ITGB7: variants seen among roughly 807,000 people sequenced by gnomAD.
ITGB7 encodes integrin beta-7.
ITGB7 carries 55 observed loss-of-function variants against 83.4 expected under a neutral mutation model. That is an observed-to-expected ratio of 0.66 (90% confidence interval 0.53 to 0.83). The LOEUF (loss-of-function observed/expected upper bound fraction) is 0.83. Among genes scored for constraint, ITGB7 ranks in the 40% least tolerant of loss-of-function variants. The pLI is 0.00. For synonymous variants in ITGB7, 454 were observed against 423.6 expected, an observed-to-expected ratio of 1.07 and a Z score of -0.88; for missense variants, 921 against 1,046.7, an observed-to-expected ratio of 0.88 and a Z score of 1.66.
At position 53,191,634 on chromosome 12, in the gene ITGB7, G is replaced by GCCA; in HGVS notation, c.2318_2319insTGG (p.Asp773_Ser774insGly). ...TGGCACTTTTGTAGAGAGGATTACT[G>GCCA]TCCTGGAGAAAGATGTTGCAGATTA... On this transcript the variant is annotated inframe_insertion and splice_region_variant, in exon 16 of 16. Transcript: ENST00000267082. The GCCA allele has an allele frequency of 6.2e-7, 1 of 1,612,774 alleles. No individual in the cohort carries two copies. The highest frequency in any genetic ancestry group is 1.1e-5 in the South Asian group (1 of 91,056).
At chr12:53,194,459 G>T in intron 9 of ITGB7, 115 bp from the exon 10 acceptor site, 1 of 1,036,814 alleles carries the variant, frequency 9.6e-7, no homozygotes, top group Non-Finnish European at 1.4e-6. Flanking sequence ...CTGCCACCTG[G>T]GGCTCCTTCC....
intron 10 of ITGB7, 24 bp downstream of exon 10, chr12:53,194,174 C>T: frequency 1.2e-6 from 2 of 1,613,818 alleles, no homozygotes; most frequent in Non-Finnish European, 1.7e-6. Flanking sequence ...TGCCCGCCTT[C>T]TGCCTGTGCT....
chr12:53,192,229 T>G (rs1227581215), intron 14 of ITGB7, 101 bp downstream of exon 14: 2 of 1,344,432 alleles, frequency 1.5e-6, no homozygotes, highest in African/African-American at 2.9e-5. Context: ...ACAGTTCTGC[T>G]TCAGCCCCCA....
Position 53,193,838 on chromosome 12 carries a change from G to A in ITGB7, c.1372C>T (p.Arg458Trp), listed in dbSNP as rs368927212. ...AGCTCCTCTGAGAAGCCAAGGGCCC[G>A]GAGCCTCAGGAGATGGGGCTCTGGG... ...CLPEPHLLRL[R>W]ALGFSEELIV... Residue 458 changes from arginine to tryptophan, a missense_variant, in exon 11 of 16, where the codon CGG becomes TGG. Physicochemically the swap from Arg to Trp is moderately radical, Grantham distance 101 (BLOSUM62 -3). Coordinates refer to ENST00000267082, the MANE Select transcript of ITGB7 (RefSeq NM_000889.3). The A allele has an allele frequency of 4.8e-5, 77 of 1,614,060 alleles. 3 individuals carry two copies. The South Asian group carries it at 5.6e-4, about 12-fold the overall frequency.
At position 53,193,952 on chromosome 12, in the gene ITGB7, AC is replaced by A. The variant is rs145601608; in HGVS notation, c.1309-52del. The A allele has an allele frequency of 5.2e-3, 7,876 of 1,515,098 alleles. 338 individuals are homozygous for A. The African/African-American group carries it at 0.094, about 18-fold the overall frequency. The allele number at this position is 1,515,098 out of a possible 1,614,324, so 93.9% of individuals were successfully genotyped here. A position where few individuals can be genotyped will look rare whatever the true frequency, so the allele number is the denominator to read the frequency against. The stretch of plus-strand genomic sequence containing the variant: ...TGGTTATACACATGCACACACACAT[AC>A]CCCAAACTCACCAATCATCCAGAAC... On this transcript the variant is annotated intron_variant, in intron 10 of 15. Transcript: ENST00000267082.
rs1349730928 is a variant in ITGB7, at chr12:53,196,641, A to G, written c.754T>C (p.Ser252Pro). 6.2e-7 allele frequency: 1 copy of G among 1,612,716 alleles called. No individual in the cohort carries two copies. The highest frequency in any genetic ancestry group is 8.5e-7 in the Non-Finnish European group (1 of 1,179,400). Reference sequence around the variant, plus strand: ...CCTTCAGGCGAGTCCAGATTGCCGGACACACTCTGGCGCCCCACCTCCCGC... The same window carrying G: ...CCTTCAGGCGAGTCCAGATTGCCGGGCACACTCTGGCGCCCCACCTCCCGC... ...FEREVGRQSV[S>P]GNLDSPEGGF... The change falls in exon 6 of 16, where the codon TCC becomes CCC. Residue 252 changes from serine (S) to proline (P), a missense_variant. Physicochemically the swap from Ser to Pro is moderately conservative, Grantham distance 74. Coordinates refer to ENST00000267082, the MANE Select transcript of ITGB7 (RefSeq NM_000889.3).
In ITGB7 at chr12:53,195,709, C is replaced by A. The variant is rs1942136702; in HGVS notation, c.988G>T (p.Val330Leu). ...GAGAGGGCCTGGGCTACCTGACCCACAGAAGGGTAGTCCTGGGACAGGGAG... is the reference window on the plus strand; with the variant it reads ...GAGAGGGCCTGGGCTACCTGACCCAAAGAAGGGTAGTCCTGGGACAGGGAG... Reference protein sequence around the residue: ...SRSTEFDYPSVGQVAQALSAA... With the variant: ...SRSTEFDYPSLGQVAQALSAA... The change falls in exon 8 of 16, where the codon GTG (valine) becomes TTG (leucine). Residue 330 changes from valine (V) to leucine (L), a missense_variant. Coordinates refer to ENST00000267082, the MANE Select transcript of ITGB7 (RefSeq NM_000889.3). 5.0e-6 allele frequency: 8 copies of A among 1,613,618 alleles called. No individual in the cohort carries two copies. The highest frequency in any genetic ancestry group is 1.3e-5 in the African/African-American group (1 of 74,996).
At chr12:53,192,233 GC>G in intron 14 of ITGB7, 96 bp downstream of exon 14, 1 of 1,357,740 alleles carries the variant, frequency 7.4e-7, no homozygotes, top group Non-Finnish European at 1.0e-6. Context: ...TTCTGCTTCA[GC>G]CCCCAGCCTG....
At chr12:53,203,647 C>CAAAAAAAAAAAAAA (rs1158624130) in intron 1 of ITGB7, among the ~76,000 whole-genome samples, 8 of 51,004 alleles carry the variant, frequency 1.6e-4, no homozygotes, top group African/African-American at 2.7e-4. Flanking sequence ...GACCCTGTCT[C>CAAAAAAAAAAAAAA]AAAAAAAAAA....
At chr12:53,204,827 C>A (rs200196935) in intron 1 of ITGB7, among the ~76,000 whole-genome samples, 9 of 142,516 alleles carry the variant, frequency 6.3e-5, no homozygotes, top group African/African-American at 1.8e-4. Context: ...TTTCTTTTTT[C>A]TTTACCTTTT....
chr12:53,194,137 G>T, intron 10 of ITGB7, 61 bp downstream of exon 10: 1 of 1,606,086 alleles, frequency 6.2e-7, no homozygotes, highest in Non-Finnish European at 8.5e-7. Flanking sequence ...TTTCCTGCCT[G>T]CTTAATTTCC....
At chr12:53,196,399 G>A (rs545499694) in intron 6 of ITGB7, 180 bp downstream of exon 6, 41 of 1,052,394 alleles carry the variant, frequency 3.9e-5, no homozygotes, top group Admixed American at 1.4e-4. Context: ...TTGTGAATTC[G>A]AAAAACATGC....
At chr12:53,196,226 A>G (rs200760661) in intron 6 of ITGB7, 27 bp from the exon 7 acceptor site, 11 of 1,610,794 alleles carry the variant, frequency 6.8e-6, no homozygotes, top group East Asian at 4.5e-5. Context: ...GTGGTAGGCT[A>G]TGCACCTGGG....
rs776743901 is a variant in ITGB7, at chr12:53,197,478, CA to C, written c.574+14del. ...AGGCAAGGGCTAACAGGGCGGGAGG[CA>C]GCGCTCGGCTCACCAATGCGCACAG... On this transcript the variant is annotated intron_variant, in intron 5 of 15. Coordinates refer to ENST00000267082, the MANE Select transcript of ITGB7 (RefSeq NM_000889.3). 2.2e-5 allele frequency: 36 copies of C among 1,613,860 alleles called. No individual in the cohort carries two copies. In the East Asian group the frequency reaches 7.8e-4, roughly 35 times the overall value.
chr12:53,196,589 G>A lies in ITGB7; in HGVS notation c.806C>T (p.Ala269Val). Reference protein sequence around the residue: ...EGGFDAILQAALCQEQIGWRN... With the variant: ...EGGFDAILQAVLCQEQIGWRN... ...GCCCCACCTCCTCACCTGGCAGAGT[G>A]CAGCCTGCAGAATGGCATCGAAGCC... Residue 269 changes from alanine (A) to valine (V), a missense_variant, in exon 6 of 16, where the codon GCA becomes GTA. Physicochemically the swap from Ala to Val is moderately conservative, Grantham distance 64. Coordinates refer to ENST00000267082, the MANE Select transcript of ITGB7 (RefSeq NM_000889.3). 3.7e-6 allele frequency: 6 copies of A among 1,612,012 alleles called. No individual in the cohort carries two copies. Among genetic ancestry groups the A allele is most frequent in the Non-Finnish European group, 5.1e-6 (6 of 1,178,440 alleles).
chr12:53,193,339 C>T lies in ITGB7; in HGVS notation c.1527G>A (p.Arg509=), dbSNP rs1212720578. Residue 509 remains arginine (R), a synonymous_variant, in exon 12 of 16, where the codon CGG becomes CGA. Coordinates refer to ENST00000267082, the MANE Select transcript of ITGB7 (RefSeq NM_000889.3). The part of the protein sequence containing the change: ...VCSCAPGRLG[R]LCECSVAELS... Reference sequence around the variant, plus strand: ...GCTCTGCCACAGAGCACTCACAGAGCCGACCTAGGCGGCCAGGGGCACAGC... The same window carrying T: ...GCTCTGCCACAGAGCACTCACAGAGTCGACCTAGGCGGCCAGGGGCACAGC... 1.3e-6 allele frequency: 2 copies of T among 1,591,326 alleles called. No individual in the cohort carries two copies. The highest frequency in any genetic ancestry group is 1.7e-6 in the Non-Finnish European group (2 of 1,165,440).
intron 11 of ITGB7, 50 bp from the exon 12 acceptor site, chr12:53,193,413 C>T (rs781043314): frequency 7.5e-7 from 1 of 1,325,804 alleles, no homozygotes; most frequent in Admixed American, 2.7e-5. Flanking sequence ...TTTGATCACC[C>T]CTGACTTGTC....
chr12:53,206,029 C>G (rs879028413), intron 1 of ITGB7, among the ~76,000 whole-genome samples: 2 of 152,186 alleles, frequency 1.3e-5, no homozygotes, highest in Non-Finnish European at 2.9e-5. Context: ...CCCCGGCTGC[C>G]GCATAGGTTT....
intron 1 of ITGB7, among the ~76,000 whole-genome samples, chr12:53,205,950 C>T (rs534454993): frequency 8.5e-5 from 13 of 152,296 alleles, no homozygotes; most frequent in African/African-American, 2.9e-4. Flanking sequence ...GCTCTGCATG[C>T]CTGTGGTCAG....
Sources: gnomAD v4.1 joint callset for allele counts (sites outside exome capture counted in the v4.1 genomes callset) on GRCh38, gnomAD v4.1.1 for gene constraint, MANE v1.5 for transcripts, NCBI Gene and HGNC (gene_info 2026-07-23, HGNC 2026-07-21) for gene names.